Variants in STK31 observed in about 807,000 individuals in gnomAD.
The protein encoded by STK31 is serine/threonine kinase 31, also known as serine/threonine-protein kinase 31.
STK31 carries 89 observed loss-of-function variants against 129.7 expected under a neutral mutation model. The observed-to-expected ratio is 0.69, with a 90% CI of 0.58 to 0.82. The LOEUF is 0.82. Among genes scored for constraint, STK31 ranks in the 40% least tolerant of loss-of-function variants. The probability of loss-of-function intolerance (pLI) is 0.00; values close to 1 mark genes in which losing one functional copy is unlikely to be tolerated. For synonymous variants in STK31, 448 were observed against 395.3 expected (o/e 1.13, Z -1.58); for missense variants, 1,187 against 1,176.4 (o/e 1.01, Z -0.13).
At chr7:23,720,066 T>G (rs1786597916) in intron 4 of STK31, among the ~76,000 whole-genome samples, 2 of 152,212 alleles carry the variant, frequency 1.3e-5, no homozygotes, top group African/African-American at 4.8e-5. Context: ...TGGCAGTTAC[T>G]GCCTGTTTTT....
In STK31 at chr7:23,712,081, T is replaced by TTTAA; in HGVS notation, c.51-17_51-14dup. On this transcript the variant is annotated splice_polypyrimidine_tract_variant and intron_variant, in intron 1 of 23. Coordinates refer to ENST00000355870, the MANE Select transcript of STK31 (RefSeq NM_031414.5). ...TTAATGGTGGATTATTGTAATCTAA[T>TTTAA]TTAAGGTATTGTTCTAGTTTTTCAG... The TTTAA allele has an allele frequency of 6.3e-7, 1 of 1,579,088 alleles. No homozygotes were observed. The highest frequency in any genetic ancestry group is 8.7e-7 in the Non-Finnish European group (1 of 1,149,654).
At chr7:23,721,324 A>AT (rs1230718819) in intron 4 of STK31, 1 of 684,968 alleles carries the variant, frequency 1.5e-6, no homozygotes, top group African/African-American at 1.8e-5. Context: ...TCTCTAAAAT[A>AT]TGTCAAGTAA....
At chr7:23,719,755 G>C (rs993449967) in intron 4 of STK31, among the ~76,000 whole-genome samples, 3 of 152,054 alleles carry the variant, frequency 2.0e-5, no homozygotes, top group African/African-American at 7.2e-5. Context: ...ACAATTTCAT[G>C]CTTAGATGAG....
At chr7:23,721,834 A>T (rs111736239) in intron 4 of STK31, 11 of 533,186 alleles carry the variant, frequency 2.1e-5, no homozygotes, top group Non-Finnish European at 3.5e-5. Context: ...TTGATCTTCA[A>T]TCAGTGATAC....
chr7:23,781,956 A>C (rs1280029890), intron 16 of STK31, among the ~76,000 whole-genome samples: 1 of 152,168 alleles, frequency 6.6e-6, no homozygotes, highest in Non-Finnish European at 1.5e-5. Flanking sequence ...TGCAGTGAAA[A>C]CATTAATGGA....
intron 23 of STK31, among the ~76,000 whole-genome samples, chr7:23,823,037 A>T (rs1441734914): frequency 1.3e-5 from 2 of 152,206 alleles, no homozygotes; most frequent in Admixed American, 6.5e-5. Context: ...TGCTATTGTG[A>T]ATAGTGCCGC....
At chr7:23,803,185 C>G (rs1792485466) in intron 22 of STK31, among the ~76,000 whole-genome samples, 1 of 151,982 alleles carries the variant, frequency 6.6e-6, no homozygotes, top group Middle Eastern at 3.2e-3. Context: ...GACCTTCCTC[C>G]TCAAAGAATT....
intron 10 of STK31, 72 bp from the exon 11 acceptor site, chr7:23,762,729 T>A: frequency 1.3e-6 from 2 of 1,552,042 alleles, no homozygotes; most frequent in Non-Finnish European, 1.7e-6. Context: ...GGAGATCACT[T>A]TTTTTCATAT....
chr7:23,821,001 G>T (rs549589709), intron 23 of STK31, among the ~76,000 whole-genome samples: 18 of 152,138 alleles, frequency 1.2e-4, no homozygotes, highest in African/African-American at 4.3e-4. Flanking sequence ...GTAAACATGG[G>T]GGTGCAGGTT....
chr7:23,741,461 C>T (rs903268628), intron 8 of STK31, among the ~76,000 whole-genome samples: 5 of 151,714 alleles, frequency 3.3e-5, no homozygotes, highest in African/African-American at 9.7e-5. Context: ...TAAATTTTGA[C>T]GTATGTATAC....
intron 8 of STK31, among the ~76,000 whole-genome samples, chr7:23,742,055 C>G (rs1160539636): frequency 6.6e-6 from 1 of 152,154 alleles, no homozygotes; most frequent in African/African-American, 2.4e-5. Flanking sequence ...TCACAGCAGC[C>G]CATTGCAGGG....
At chr7:23,808,221 G>T (rs1164852804) in intron 22 of STK31, among the ~76,000 whole-genome samples, 1 of 151,116 alleles carries the variant, frequency 6.6e-6, no homozygotes, top group Non-Finnish European at 1.5e-5. Context: ...TCCAGATGGG[G>T]TTAGATATGT....
chr7:23,749,098 C>T (rs899026718), intron 8 of STK31, among the ~76,000 whole-genome samples: 2 of 152,188 alleles, frequency 1.3e-5, no homozygotes, highest in East Asian at 3.9e-4. Flanking sequence ...GTTTTGATAT[C>T]TAACATTTCT....
chr7:23,786,293 C>T (rs1791280109), intron 18 of STK31, among the ~76,000 whole-genome samples: 2 of 152,042 alleles, frequency 1.3e-5, no homozygotes, highest in South Asian at 4.1e-4. Context: ...TTAGTTGCTA[C>T]ACATTCTAGA....
chr7:23,773,284 C>T (rs991253490), intron 15 of STK31, among the ~76,000 whole-genome samples: 6 of 152,104 alleles, frequency 3.9e-5, no homozygotes, highest in African/African-American at 7.2e-5. Context: ...TGAGTGAGAA[C>T]ATGCGGTGTT....
At chr7:23,813,431 A>G (rs1480980189) in intron 22 of STK31, among the ~76,000 whole-genome samples, 1 of 152,098 alleles carries the variant, frequency 6.6e-6, no homozygotes, top group East Asian at 1.9e-4. Flanking sequence ...GGTACTTTGT[A>G]TGACAAGTGA....
intron 10 of STK31, among the ~76,000 whole-genome samples, chr7:23,759,190 C>G (rs1462262305): frequency 6.6e-6 from 1 of 152,180 alleles, no homozygotes; most frequent in Admixed American, 6.5e-5. Context: ...TAATGGGAGA[C>G]TTTAACACCC....
intron 10 of STK31, 125 bp from the exon 11 acceptor site, chr7:23,762,676 T>A: frequency 9.4e-7 from 1 of 1,067,602 alleles, no homozygotes; most frequent in Non-Finnish European, 1.3e-6. Context: ...AGGAGAGAAA[T>A]GTCCTAAGTG....
chr7:23,829,722 A>C (rs1195587709), intron 23 of STK31, among the ~76,000 whole-genome samples: 7 of 152,114 alleles, frequency 4.6e-5, no homozygotes, highest in Non-Finnish European at 4.4e-5. Flanking sequence ...AGTTCTTTGA[A>C]AGTTCAGTAG....
Sources: allele counts gnomAD v4.1 joint callset (sites outside exome capture counted in the v4.1 genomes callset), GRCh38; gene constraint gnomAD v4.1.1; transcripts MANE v1.5; gene names NCBI Gene and HGNC (gene_info 2026-07-23, HGNC 2026-07-21).